Variants in ADGRE1 observed in about 807,000 individuals in gnomAD.
ADGRE1 encodes the protein adhesion G protein-coupled receptor E1, also known as EGF-like module receptor 1.
A neutral mutation model predicts 102.7 loss-of-function variants in ADGRE1; 82 were observed. That is an observed-to-expected ratio of 0.80 (90% confidence interval 0.67 to 0.96). The LOEUF (loss-of-function observed/expected upper bound fraction) is 0.96. Among genes scored for constraint, ADGRE1 ranks in the 40% least tolerant of loss-of-function variants. The pLI is 0.00. For synonymous variants in ADGRE1, 398 were observed against 399.6 expected, an observed-to-expected ratio of 1.00 and a Z score of 0.05; for missense variants, 1,032 against 1,085.3, an observed-to-expected ratio of 0.95 and a Z score of 0.69.
chr19:6,908,756 C>A lies in ADGRE1; in HGVS notation c.1106C>A (p.Thr369Asn), dbSNP rs145287041. The change falls in exon 10 of 21, where the codon ACC (threonine) becomes AAC (asparagine). Residue 369 changes from threonine to asparagine, a missense_variant. Thr to Asn is a moderately conservative substitution (Grantham distance 65). Transcript: ENST00000312053. ...VLDKVCENKT[T>N]VVSLKNTTES... is the part of the protein sequence containing the mutation. ...GACAAAGTGTGTGAAAATAAAACGA[C>A]CGTAGTTTCTCTGAAGGTAACGATT... The A allele has an allele frequency of 3.1e-6, 5 of 1,609,302 alleles. No individual in the cohort carries two copies. The African/African-American group carries it at 5.4e-5, about 17-fold the overall frequency.
intron 9 of ADGRE1, 67 bp from the exon 10 acceptor site, chr19:6,908,622 T>G (rs1009734208): frequency 4.2e-6 from 6 of 1,417,852 alleles, no homozygotes; most frequent in Non-Finnish European, 5.8e-6. Context: ...ATTTGTAGAT[T>G]ACATGCTTGG....
At chr19:6,921,622 T>C (rs1031005458) in intron 13 of ADGRE1, 91 bp from the exon 14 acceptor site, 1 of 1,387,318 alleles carries the variant, frequency 7.2e-7, no homozygotes, top group East Asian at 2.5e-5. Flanking sequence ...TGTATTCTTG[T>C]TCCCAGTGAC....
chr19:6,914,817 A>G (rs460261), intron 11 of ADGRE1, among the ~76,000 whole-genome samples: 109,415 of 151,974 alleles, frequency 0.72, 39,898 homozygotes, highest in East Asian at 0.77. Context: ...GCAAGATCAG[A>G]GTAAGTCTCA....
chr19:6,925,985 A>G (rs963747937), intron 15 of ADGRE1, among the ~76,000 whole-genome samples: 3 of 152,136 alleles, frequency 2.0e-5, no homozygotes, highest in Non-Finnish European at 4.4e-5. Context: ...AGCATGAGCC[A>G]CCACACCCAG....
chr19:6,928,939 C>CAA (rs61017298), intron 17 of ADGRE1, among the ~76,000 whole-genome samples: 4 of 131,954 alleles, frequency 3.0e-5, no homozygotes, highest in Non-Finnish European at 3.4e-5. Context: ...AACTCCATCT[C>CAA]AAAAAAAAAA....
At chr19:6,914,131 T>A (rs1048335183) in intron 11 of ADGRE1, among the ~76,000 whole-genome samples, 3 of 152,258 alleles carry the variant, frequency 2.0e-5, no homozygotes, top group African/African-American at 7.2e-5. Flanking sequence ...ACTTCCTGTT[T>A]GCCCTGCTGG....
chr19:6,888,394 C>T (rs1973225044), intron 1 of ADGRE1, among the ~76,000 whole-genome samples: 1 of 152,158 alleles, frequency 6.6e-6, no homozygotes. Context: ...ATTTCTCTTT[C>T]TTCAGGTGTC....
At chr19:6,902,640 C>T (rs1410521969) in intron 6 of ADGRE1, among the ~76,000 whole-genome samples, 5 of 152,126 alleles carry the variant, frequency 3.3e-5, no homozygotes, top group East Asian at 1.9e-4. Flanking sequence ...AAGGTTTCAC[C>T]GTGTTGGCCA....
intron 17 of ADGRE1, among the ~76,000 whole-genome samples, chr19:6,931,104 G>A (rs1335824805): frequency 6.8e-6 from 1 of 147,748 alleles, no homozygotes; most frequent in East Asian, 2.0e-4. Context: ...CCCAGCTTCT[G>A]GTAACTGCTG....
intron 5 of ADGRE1, chr19:6,898,611 C>G (rs34114948): frequency 2.1e-5 from 30 of 1,448,736 alleles, no homozygotes; most frequent in South Asian, 6.0e-5. Context: ...TCACCAGCAG[C>G]GTCTGCCCTG....
intron 12 of ADGRE1, among the ~76,000 whole-genome samples, chr19:6,916,914 T>C (rs944341756): frequency 2.0e-5 from 3 of 152,090 alleles, no homozygotes; most frequent in African/African-American, 7.2e-5. Context: ...TTTTTTTACT[T>C]TTAAAAAATG....
chr19:6,913,532 G>A (rs867087720), intron 10 of ADGRE1, 121 bp from the exon 11 acceptor site: 1 of 899,462 alleles, frequency 1.1e-6, no homozygotes, highest in Non-Finnish European at 1.6e-6. Flanking sequence ...AGCCCGAGTG[G>A]ATGCCCCTTT....
At chr19:6,939,723 T>C (rs937905893) in intron 20 of ADGRE1, among the ~76,000 whole-genome samples, 3 of 152,184 alleles carry the variant, frequency 2.0e-5, no homozygotes, top group Non-Finnish European at 4.4e-5. Flanking sequence ...TCCCTTTACC[T>C]AATTGGTCAG....
At chr19:6,913,033 C>G (rs1974256068) in intron 10 of ADGRE1, among the ~76,000 whole-genome samples, 1 of 152,170 alleles carries the variant, frequency 6.6e-6, no homozygotes, top group Non-Finnish European at 1.5e-5. Flanking sequence ...CTCCAGGGCT[C>G]AAGAGATCCT....
At chr19:6,914,302 C>T (rs1425241578) in intron 11 of ADGRE1, among the ~76,000 whole-genome samples, 6 of 152,232 alleles carry the variant, frequency 3.9e-5, no homozygotes, top group Admixed American at 3.3e-4. Context: ...CACAGCTGCT[C>T]CTTCTGCCTG....
intron 9 of ADGRE1, 105 bp from the exon 10 acceptor site, chr19:6,908,584 C>T: frequency 1.1e-6 from 1 of 905,952 alleles, no homozygotes; most frequent in Non-Finnish European, 1.6e-6. Flanking sequence ...AATTCAGAGC[C>T]ACCTCATATG....
chr19:6,889,687 C>CAAAAAA (rs1178774112), intron 1 of ADGRE1, among the ~76,000 whole-genome samples: 6 of 41,716 alleles, frequency 1.4e-4, no homozygotes, highest in African/African-American at 3.0e-4. Flanking sequence ...GACTCCATCT[C>CAAAAAA]AAAAAAAAAA....
chr19:6,903,236 A>G (rs549282535), intron 6 of ADGRE1, among the ~76,000 whole-genome samples: 7 of 152,330 alleles, frequency 4.6e-5, no homozygotes, highest in East Asian at 1.9e-4. Flanking sequence ...TAACTCCCCA[A>G]TATTGCCATG....
At chr19:6,896,304 A>G in intron 2 of ADGRE1, 94 bp from the exon 3 acceptor site, 1 of 1,309,238 alleles carries the variant, frequency 7.6e-7, no homozygotes, top group East Asian at 2.4e-5. Flanking sequence ...AATCCAACCC[A>G]TAACAGTCAC....
Sources: allele counts gnomAD v4.1 joint callset (sites outside exome capture counted in the v4.1 genomes callset), GRCh38; gene constraint gnomAD v4.1.1; transcripts MANE v1.5; gene names NCBI Gene and HGNC (gene_info 2026-07-23, HGNC 2026-07-21).